The following COX16 variants were observed in gnomAD, a reference collection of about 807,000 sequenced individuals.
The protein encoded by COX16 is cytochrome c oxidase assembly protein COX16 homolog, mitochondrial.
COX16 carries 12 observed loss-of-function variants against 15.4 expected under a neutral mutation model. The observed-to-expected ratio is 0.78, with a 90% CI of 0.50 to 1.26. The LOEUF is 1.26. Among genes scored for constraint, COX16 ranks in the 50% most tolerant of loss-of-function variants. The probability of loss-of-function intolerance (pLI) is 0.00; values close to 1 mark genes in which losing one functional copy is unlikely to be tolerated. For missense variants in COX16, 124 were observed against 127.6 expected (o/e 0.97, Z 0.14); for synonymous variants, 46 against 41.1 (o/e 1.12, Z -0.46).
chr14:70,359,388 C>A, intron 1 of COX16, 131 bp downstream of exon 1: 2 of 789,740 alleles, frequency 2.5e-6, no homozygotes, highest in Admixed American at 2.0e-5. Context: ...AAGCTCTCAC[C>A]CCGTCGCTAG....
Position 70,331,070 on chromosome 14 carries a change from C to T in COX16, c.142-1834G>A, listed in dbSNP as rs376001945. 7.2e-5 allele frequency among the ~76,000 whole-genome samples: 11 copies of T among 152,230 alleles called. No homozygotes were observed. The East Asian group carries it at 1.2e-3, about 16-fold the overall frequency. ...GTCACCAGGCTGGAAAGCAGTGGCA[C>T]GATCTCGGCTCACTGCAACCTCTGC... On this transcript the variant is annotated intron_variant, in intron 2 of 3. Transcript: ENST00000389912.
At chr14:70,348,335 A>G (rs1456444478) in intron 1 of COX16, among the ~76,000 whole-genome samples, 2 of 151,748 alleles carry the variant, frequency 1.3e-5, no homozygotes, top group East Asian at 1.9e-4. Context: ...GTTCATAGAA[A>G]CCCCCCAAAT....
At chr14:70,356,768 A>G (rs1887137464) in intron 1 of COX16, among the ~76,000 whole-genome samples, 1 of 152,196 alleles carries the variant, frequency 6.6e-6, no homozygotes, top group Non-Finnish European at 1.5e-5. Context: ...CACAAAAACG[A>G]GAATATTTGT....
At position 70,359,519 on chromosome 14, in the gene COX16, C is replaced by T. The variant is rs1216814142; in HGVS notation, c.69G>A (p.Leu23=). ...GGAAGATCCTCCTCACTCCACTCAC[C>T]AACATGGGGACTCCATAGCCGAGAG... is the stretch of plus-strand genomic sequence containing the variant. ...NKTLGYGVPM[L]LLIVGGSFGL... Residue 23 remains leucine (L), a splice_region_variant and synonymous_variant, in exon 1 of 4, where the codon TTG becomes TTA. Coordinates refer to ENST00000389912, the MANE Select transcript of COX16 (RefSeq NM_016468.7). 4.3e-6 allele frequency: 7 copies of T among 1,613,712 alleles called. No homozygotes were observed. The Admixed American group carries it at 1.2e-4, about 27-fold the overall frequency.
chr14:70,353,234 C>T lies in COX16; in HGVS notation c.69+6285G>A, dbSNP rs186493794. On this transcript the variant is annotated intron_variant, in intron 1 of 3. Transcript: ENST00000389912. ...CAAGACTGCGCCACTGTACTCCAGC[C>T]TGGTGACAGAGTGAGACTCTGTCAA... Among the ~76,000 whole-genome samples, 315 of 138,546 alleles carry T rather than the reference C, an allele frequency of 2.3e-3. 2 individuals are homozygous for T. Among genetic ancestry groups the T allele is most frequent in the African/African-American group, 8.2e-3 (299 of 36,602 alleles). The allele number at this position is 138,546 out of a possible 152,430, so 90.9% of individuals were successfully genotyped here.
chr14:70,351,397 A>G (rs955016045), intron 1 of COX16, among the ~76,000 whole-genome samples: 4 of 152,254 alleles, frequency 2.6e-5, no homozygotes, highest in Admixed American at 2.6e-4. Context: ...TGTAACATAA[A>G]CTACAATGCA....
intron 2 of COX16, among the ~76,000 whole-genome samples, chr14:70,341,717 T>G (rs907491753): frequency 2.0e-5 from 3 of 152,228 alleles, no homozygotes; most frequent in Non-Finnish European, 4.4e-5. Flanking sequence ...TAGCCCCAAC[T>G]TGCAATGTTT....
At chr14:70,357,990 C>T (rs1354760138) in intron 1 of COX16, among the ~76,000 whole-genome samples, 1 of 152,052 alleles carries the variant, frequency 6.6e-6, no homozygotes, top group Non-Finnish European at 1.5e-5. Context: ...TTGAAACAAC[C>T]CAAATGTTCA....
intron 2 of COX16, among the ~76,000 whole-genome samples, chr14:70,331,264 G>A (rs182910303): frequency 2.6e-4 from 40 of 152,122 alleles, no homozygotes; most frequent in African/African-American, 8.4e-4. Flanking sequence ...CCTCGGCCTC[G>A]CAAAGTGCTG....
intron 2 of COX16, among the ~76,000 whole-genome samples, chr14:70,329,710 T>A: frequency 1.9e-5 from 2 of 105,260 alleles, no homozygotes; most frequent in Admixed American, 2.4e-4. Context: ...GGGCCAGAAG[T>A]AGATATCTAC....
At chr14:70,351,160 T>C (rs769340808) in intron 1 of COX16, among the ~76,000 whole-genome samples, 7 of 152,226 alleles carry the variant, frequency 4.6e-5, no homozygotes, top group Non-Finnish European at 5.9e-5. Context: ...TTCTATCTTA[T>C]TTATGTCTTT....
At chr14:70,344,105 TG>T (rs1159386787) in intron 1 of COX16, among the ~76,000 whole-genome samples, 1 of 152,202 alleles carries the variant, frequency 6.6e-6, no homozygotes, top group Non-Finnish European at 1.5e-5. Flanking sequence ...GTCTGGGTAA[TG>T]TCAGCTGATC....
rs758476602 is a variant in COX16 at position 70,326,406 on chromosome 14, C to T, written c.248G>A (p.Gly83Glu). The T allele has an allele frequency of 1.9e-6, 3 of 1,597,254 alleles. No individual in the cohort carries two copies. Among genetic ancestry groups the T allele is most frequent in the East Asian group, 2.3e-5 (1 of 44,250 alleles). ...SKFDDWKNIR[G>E]PRPWEDPDLL... ...GTCAGGATCTTCCCAAGGCCTGGGT[C>T]CTCGAATATTCTTCCAGTCATCAAA... Residue 83 changes from glycine to glutamate, a missense_variant, in exon 4 of 4, where the codon GGA becomes GAA. Transcript: ENST00000389912.
chr14:70,327,958 T>G (rs899503544), intron 3 of COX16, among the ~76,000 whole-genome samples: 11 of 152,072 alleles, frequency 7.2e-5, no homozygotes, highest in African/African-American at 2.2e-4. Flanking sequence ...ATATGGAGTT[T>G]CCAGGCCTGC....
intron 2 of COX16, among the ~76,000 whole-genome samples, chr14:70,332,181 G>C (rs1327513668): frequency 6.6e-6 from 1 of 152,220 alleles, no homozygotes; most frequent in Non-Finnish European, 1.5e-5. Context: ...GATGATATTG[G>C]TCTTGACAGT....
At chr14:70,354,414 C>T (rs909236361) in intron 1 of COX16, among the ~76,000 whole-genome samples, 1 of 152,192 alleles carries the variant, frequency 6.6e-6, no homozygotes, top group South Asian at 2.1e-4. Context: ...TCAACCCAAC[C>T]TCCAAACCTC....
At chr14:70,334,145 T>A (rs1886374558) in intron 2 of COX16, among the ~76,000 whole-genome samples, 2 of 152,236 alleles carry the variant, frequency 1.3e-5, no homozygotes, top group African/African-American at 2.4e-5. Context: ...GCAATCATGA[T>A]GTTTAAATCA....
chr14:70,336,673 TGA>T (rs1335475914), intron 2 of COX16, among the ~76,000 whole-genome samples: 2 of 152,212 alleles, frequency 1.3e-5, no homozygotes, highest in Non-Finnish European at 2.9e-5. Flanking sequence ...ACTGTATTAT[TGA>T]GAGATATATC....
chr14:70,327,236 A>G (rs1416885184), intron 3 of COX16, among the ~76,000 whole-genome samples: 1 of 152,246 alleles, frequency 6.6e-6, no homozygotes, highest in African/African-American at 2.4e-5. Flanking sequence ...ACACTTGGAT[A>G]CTAAGCATTA....
Sources: allele counts gnomAD v4.1 joint callset (sites outside exome capture counted in the v4.1 genomes callset), GRCh38; gene constraint gnomAD v4.1.1; transcripts MANE v1.5; gene names NCBI Gene and HGNC (gene_info 2026-07-23, HGNC 2026-07-21).